The following AGBL4 variants were observed in gnomAD, a reference collection of about 807,000 sequenced individuals.
AGBL4 encodes the protein cytosolic carboxypeptidase 6.
In AGBL4, 58 loss-of-function variants were observed where a neutral mutation model predicts 66.4. That is an observed-to-expected ratio of 0.87 (90% CI 0.71 to 1.09). The LOEUF (loss-of-function observed/expected upper bound fraction) is 1.09. Among genes scored for constraint, AGBL4 ranks in the 50% least tolerant of loss-of-function variants. The pLI is 0.00. For synonymous variants in AGBL4, 234 were observed against 222.9 expected, an observed-to-expected ratio of 1.05 and a Z score of -0.44; for missense variants, 579 against 631.0, an observed-to-expected ratio of 0.92 and a Z score of 0.88.
intron 4 of AGBL4, among the ~76,000 whole-genome samples, chr1:49,163,395 C>A: frequency 6.7e-6 from 1 of 148,722 alleles, no homozygotes; most frequent in East Asian, 1.9e-4. Flanking sequence ...TGTCACCTAA[C>A]GTTTGGTAGA....
At chr1:48,761,615 C>G (rs753284978) in intron 6 of AGBL4, 1 of 805,466 alleles carries the variant, frequency 1.2e-6, no homozygotes, top group Non-Finnish European at 1.9e-6. Flanking sequence ...AGGCTGGTTC[C>G]CTCTTGCATG....
intron 2 of AGBL4, among the ~76,000 whole-genome samples, chr1:49,839,589 A>T (rs1311033647): frequency 6.6e-6 from 1 of 152,198 alleles, no homozygotes. Context: ...ATTTTGAGGA[A>T]TAATGTAATA....
intron 7 of AGBL4, among the ~76,000 whole-genome samples, chr1:48,660,378 C>T (rs1171745138): frequency 6.6e-6 from 1 of 152,190 alleles, no homozygotes; most frequent in African/African-American, 2.4e-5. Context: ...GGTCACTGAG[C>T]CAGTTAATGT....
intron 3 of AGBL4, among the ~76,000 whole-genome samples, chr1:49,438,174 A>G (rs1214691131): frequency 6.6e-6 from 1 of 152,212 alleles, no homozygotes; most frequent in Non-Finnish European, 1.5e-5. Flanking sequence ...ATCTAAAGCC[A>G]TGTCTAACTA....
At chr1:49,187,287 T>C (rs1327244275) in intron 4 of AGBL4, 2 of 152,138 alleles carry the variant, frequency 1.3e-5, no homozygotes, top group Admixed American at 6.6e-5. Flanking sequence ...GAAAACCCAA[T>C]GGAATATTAA....
chr1:49,161,389 C>T (rs1646539220), intron 4 of AGBL4, among the ~76,000 whole-genome samples: 1 of 152,148 alleles, frequency 6.6e-6, no homozygotes, highest in Admixed American at 6.5e-5. Context: ...CAACCACTGT[C>T]CAACCAGTCC....
chr1:49,448,542 C>A (rs1646209119), intron 3 of AGBL4, among the ~76,000 whole-genome samples: 1 of 152,090 alleles, frequency 6.6e-6, no homozygotes, highest in Non-Finnish European at 1.5e-5. Flanking sequence ...AAGTAGGGAC[C>A]ATAATAGGTC....
At chr1:49,525,536 A>G (rs922092850) in intron 3 of AGBL4, among the ~76,000 whole-genome samples, 1 of 152,042 alleles carries the variant, frequency 6.6e-6, no homozygotes, top group Non-Finnish European at 1.5e-5. Context: ...CAGCAGAAAT[A>G]AGACAGGTCT....
chr1:49,946,576 T>C (rs1355724019), intron 1 of AGBL4, among the ~76,000 whole-genome samples: 2 of 151,864 alleles, frequency 1.3e-5, no homozygotes, highest in African/African-American at 2.4e-5. Context: ...ATAGGAAATA[T>C]CATAGCCCTA....
At chr1:48,771,691 A>C (rs1557976169) in intron 6 of AGBL4, among the ~76,000 whole-genome samples, 1 of 152,228 alleles carries the variant, frequency 6.6e-6, no homozygotes, top group Admixed American at 6.5e-5. Context: ...ATGACACGCA[A>C]CAATCTTTGC....
chr1:49,733,182 A>T (rs924182297), intron 2 of AGBL4, among the ~76,000 whole-genome samples: 23 of 152,188 alleles, frequency 1.5e-4, no homozygotes, highest in Admixed American at 7.2e-4. Context: ...TTCTATAACC[A>T]CCCAACTATC....
chr1:49,418,752 G>C (rs1645481442), intron 3 of AGBL4, among the ~76,000 whole-genome samples: 1 of 152,204 alleles, frequency 6.6e-6, no homozygotes, highest in Non-Finnish European at 1.5e-5. Context: ...AAAGTTCATG[G>C]GGGAGAAAGT....
chr1:49,331,860 C>T (rs567318487), intron 3 of AGBL4, among the ~76,000 whole-genome samples: 17 of 152,202 alleles, frequency 1.1e-4, no homozygotes, highest in Non-Finnish European at 1.9e-4. Flanking sequence ...CAGGACCTCC[C>T]AGCCAAGGCC....
intron 3 of AGBL4, among the ~76,000 whole-genome samples, chr1:49,448,777 T>C (rs1257089523): frequency 1.3e-5 from 2 of 152,154 alleles, no homozygotes; most frequent in African/African-American, 4.8e-5. Flanking sequence ...AAATAGAACA[T>C]ATTTAAGACT....
At chr1:49,680,459 T>C (rs1646671294) in intron 3 of AGBL4, among the ~76,000 whole-genome samples, 1 of 152,128 alleles carries the variant, frequency 6.6e-6, no homozygotes, top group African/African-American at 2.4e-5. Flanking sequence ...AGTGCCTTGA[T>C]TTTCTCTTCA....
intron 3 of AGBL4, among the ~76,000 whole-genome samples, chr1:49,322,323 T>C (rs1377875682): frequency 6.6e-6 from 1 of 152,136 alleles, no homozygotes; most frequent in East Asian, 1.9e-4. Flanking sequence ...TGAAAATCAA[T>C]GATACATGAA....
intron 1 of AGBL4, among the ~76,000 whole-genome samples, chr1:49,985,413 G>A (rs1383745198): frequency 6.6e-6 from 1 of 152,146 alleles, no homozygotes; most frequent in Non-Finnish European, 1.5e-5. Flanking sequence ...TTTAGAGAGT[G>A]TATTTTCTCT....
intron 4 of AGBL4, among the ~76,000 whole-genome samples, chr1:49,098,684 G>T (rs1557639512): frequency 6.6e-6 from 1 of 152,090 alleles, no homozygotes; most frequent in Non-Finnish European, 1.5e-5. Context: ...ACATGAGGGT[G>T]GTCAGAGAGT....
intron 2 of AGBL4, among the ~76,000 whole-genome samples, chr1:49,790,131 C>T (rs1353671099): frequency 1.3e-5 from 2 of 152,124 alleles, no homozygotes; most frequent in Non-Finnish European, 2.9e-5. Context: ...GTAATCCCAG[C>T]ACTTTGGGAG....
Sources: gnomAD v4.1 joint callset for allele counts (sites outside exome capture counted in the v4.1 genomes callset) on GRCh38, gnomAD v4.1.1 for gene constraint, MANE v1.5 for transcripts, NCBI Gene and HGNC (gene_info 2026-07-23, HGNC 2026-07-21) for gene names.